Variants in DOCK5 observed in about 807,000 individuals in gnomAD.
The protein encoded by DOCK5 is dedicator of cytokinesis 5, also known as dedicator of cytokinesis protein 5.
In DOCK5, 142 loss-of-function variants were observed where a neutral mutation model predicts 251.8. That is an observed-to-expected ratio of 0.56 (90% CI 0.49 to 0.65). The LOEUF is 0.65. DOCK5 is among the 30% of genes least tolerant of loss of function. DOCK5 has a pLI of 0.00. For missense variants in DOCK5, 2,111 were observed against 2,312.3 expected (o/e 0.91, Z 1.79); for synonymous variants, 842 against 835.5 (o/e 1.01, Z -0.13).
intron 1 of DOCK5, among the ~76,000 whole-genome samples, chr8:25,233,917 C>T (rs928811882): frequency 4.6e-5 from 7 of 152,156 alleles, no homozygotes; most frequent in Non-Finnish European, 5.9e-5. Context: ...ATGTCCTATC[C>T]TTCTGTTTCC....
chr8:25,227,380 T>C (rs949608563), intron 1 of DOCK5, among the ~76,000 whole-genome samples: 3 of 152,238 alleles, frequency 2.0e-5, no homozygotes, highest in Admixed American at 6.5e-5. Context: ...TGTTTTTTTT[T>C]CAAGCAAATA....
At chr8:25,267,481 A>G (rs117393935) in intron 2 of DOCK5, among the ~76,000 whole-genome samples, 2 of 152,318 alleles carry the variant, frequency 1.3e-5, no homozygotes, top group East Asian at 3.9e-4. Context: ...GTATGTGTCT[A>G]TTTTTTGGTT....
rs561725983 is a variant in DOCK5, at chr8:25,243,687, C to T, written c.57C>T (p.Tyr19=). 3 of 1,613,462 alleles carry T rather than the reference C, an allele frequency of 1.9e-6. No homozygotes were observed. Among genetic ancestry groups the T allele is most frequent in the Admixed American group, 3.3e-5 (2 of 59,986 alleles). ...RQKYGVAIYN[Y]NASQDVELSL... Reference sequence around the variant, plus strand: ...TCTCATTTCCAGCGATCTATAACTACAATGCTTCTCAAGATGTGGAGCTCT... The same window carrying T: ...TCTCATTTCCAGCGATCTATAACTATAATGCTTCTCAAGATGTGGAGCTCT... Residue 19 remains tyrosine (Y), a synonymous_variant, in exon 2 of 52, where the codon TAC becomes TAT. Transcript: ENST00000276440.
At chr8:25,396,178 G>A (rs957572256) in intron 45 of DOCK5, among the ~76,000 whole-genome samples, 9 of 152,102 alleles carry the variant, frequency 5.9e-5, no homozygotes, top group African/African-American at 1.7e-4. Context: ...TCAGGAGCGC[G>A]AGACCATCTT....
intron 1 of DOCK5, among the ~76,000 whole-genome samples, chr8:25,203,249 A>G (rs1171666509): frequency 6.6e-6 from 1 of 152,238 alleles, no homozygotes; most frequent in Non-Finnish European, 1.5e-5. Flanking sequence ...CTTGAATTAA[A>G]GAGTTGCTTG....
At chr8:25,305,816 T>C (rs1586313403) in intron 11 of DOCK5, among the ~76,000 whole-genome samples, 1 of 152,182 alleles carries the variant, frequency 6.6e-6, no homozygotes, top group African/African-American at 2.4e-5. Context: ...GCATTAGAAG[T>C]CTTAAAATTT....
At chr8:25,332,203 T>C (rs1232126372) in intron 18 of DOCK5, 48 bp from the exon 19 acceptor site, 1 of 1,433,470 alleles carries the variant, frequency 7.0e-7, no homozygotes, top group Admixed American at 1.7e-5. Context: ...CCTGAAATGG[T>C]CTGGGTTGTT....
chr8:25,215,113 G>A (rs1270065819), intron 1 of DOCK5, among the ~76,000 whole-genome samples: 1 of 152,198 alleles, frequency 6.6e-6, no homozygotes, highest in Non-Finnish European at 1.5e-5. Context: ...CCATTTTGGA[G>A]AGGGAGTCAT....
chr8:25,264,363 C>T (rs750213071), intron 2 of DOCK5, among the ~76,000 whole-genome samples: 3 of 150,896 alleles, frequency 2.0e-5, no homozygotes, highest in African/African-American at 4.9e-5. Context: ...GAGTGAGATC[C>T]TGCCACAAGA....
intron 3 of DOCK5, among the ~76,000 whole-genome samples, chr8:25,273,602 C>T (rs1490609000): frequency 6.6e-6 from 1 of 152,186 alleles, no homozygotes; most frequent in Non-Finnish European, 1.5e-5. Flanking sequence ...GACTCTGTCT[C>T]AAAGAATGAA....
intron 40 of DOCK5, among the ~76,000 whole-genome samples, chr8:25,385,969 G>A (rs763311421): frequency 6.6e-6 from 1 of 152,226 alleles, no homozygotes; most frequent in Admixed American, 6.5e-5. Flanking sequence ...CAGACCTTGA[G>A]AATAGCAGGT....
At chr8:25,340,141 G>A (rs991919050) in intron 22 of DOCK5, among the ~76,000 whole-genome samples, 3 of 152,176 alleles carry the variant, frequency 2.0e-5, no homozygotes, top group Admixed American at 6.5e-5. Flanking sequence ...GAAATCAAGC[G>A]AATTCTGTTG....
rs1802126048 is a variant in DOCK5 at position 25,211,958 on chromosome 8, A to C, written c.43+27007A>C. Among the ~76,000 whole-genome samples the C allele has an allele frequency of 2.9e-5, 2 of 69,320 alleles. 1 individual carries two copies. The highest frequency in any genetic ancestry group is 6.5e-5 in the African/African-American group (2 of 30,552). The allele number at this position is 69,320 out of a possible 152,430, so 45.5% of individuals were successfully genotyped here. On this transcript the variant is annotated intron_variant, in intron 1 of 51. Coordinates refer to ENST00000276440, the MANE Select transcript of DOCK5 (RefSeq NM_024940.8). ...GGCAGATCACAAGGTCAGGAGATCG[A>C]CACCATATTGGCTAACACGGTGAAT...
chr8:25,325,062 C>T (rs1331894611), intron 17 of DOCK5, among the ~76,000 whole-genome samples: 1 of 152,040 alleles, frequency 6.6e-6, no homozygotes, highest in Non-Finnish European at 1.5e-5. Context: ...GAATTGTCCC[C>T]ATTTAGAGAC....
chr8:25,232,059 C>A (rs1802680556), intron 1 of DOCK5, among the ~76,000 whole-genome samples: 1 of 152,120 alleles, frequency 6.6e-6, no homozygotes, highest in South Asian at 2.1e-4. Context: ...TAATTCAATT[C>A]TATTGTATTC....
chr8:25,363,791 C>T (rs774543136), intron 29 of DOCK5, among the ~76,000 whole-genome samples: 3 of 152,228 alleles, frequency 2.0e-5, no homozygotes, highest in East Asian at 1.9e-4. Context: ...TGCCTCACAC[C>T]GGTCTTCCGC....
chr8:25,403,617 C>G lies in DOCK5; in HGVS notation c.4986C>G (p.Ile1662Met), dbSNP rs772875999. ...CGGGGTCTATTGTGCTCCCCTACAT[C>G]ATGTCTTCCACTCTGCGGAGGTTGT... ...SRTGSIVLPY[I>M]MSSTLRRLSI... The change falls in exon 48 of 52, where the codon ATC becomes ATG. Residue 1662 changes from isoleucine to methionine, a missense_variant. Physicochemically the swap from Ile to Met is conservative, Grantham distance 10. Transcript: ENST00000276440. 6.2e-7 allele frequency: 1 copy of G among 1,614,030 alleles called. No individual in the cohort carries two copies. The highest frequency in any genetic ancestry group is 2.2e-5 in the East Asian group (1 of 44,876).
At chr8:25,251,992 C>CAAAAAAAA (rs35842362) in intron 2 of DOCK5, among the ~76,000 whole-genome samples, 1 of 136,296 alleles carries the variant, frequency 7.3e-6, no homozygotes, top group Non-Finnish European at 1.6e-5. Flanking sequence ...GACTCTATCT[C>CAAAAAAAA]AAAAAAAAAA....
intron 26 of DOCK5, 41 bp downstream of exon 26, chr8:25,345,652 G>A (rs1245930609): frequency 6.8e-6 from 11 of 1,607,854 alleles, no homozygotes; most frequent in African/African-American, 2.7e-5. Flanking sequence ...AGTTCACACT[G>A]TCCCCTTTGC....
Sources: gnomAD v4.1 joint callset for allele counts (sites outside exome capture counted in the v4.1 genomes callset) on GRCh38, gnomAD v4.1.1 for gene constraint, MANE v1.5 for transcripts, NCBI Gene and HGNC (gene_info 2026-07-23, HGNC 2026-07-21) for gene names.